The following CFAP70 variants were observed in gnomAD, a reference collection of about 807,000 sequenced individuals.
CFAP70 encodes cilia and flagella associated protein 70.
Under a neutral mutation model 137.6 loss-of-function variants are expected in CFAP70, and 81 were observed. The ratio of observed to expected loss-of-function variants is 0.59; its 90% CI spans 0.49 to 0.71. The LOEUF (loss-of-function observed/expected upper bound fraction) is 0.71. Ranked by LOEUF, CFAP70 falls within the 30% of genes least tolerant of loss-of-function variation. The pLI, the probability that CFAP70 is intolerant of heterozygous loss-of-function variation, is 0.00. For missense variants in CFAP70, 976 were observed against 1,226.7 expected, an observed-to-expected ratio of 0.80 and a Z score of 3.05; for synonymous variants, 382 against 423.6, an observed-to-expected ratio of 0.90 and a Z score of 1.20.
At chr10:73,316,481 G>GATATATATATATATAT (rs1253458738) in intron 9 of CFAP70, among the ~76,000 whole-genome samples, 5 of 106,546 alleles carry the variant, frequency 4.7e-5, no homozygotes, top group African/African-American at 1.8e-4. Context: ...TATATATATA[G>GATATATATATATATAT]ATATAGATAT....
chr10:73,338,675 C>T (rs186141650), intron 6 of CFAP70, among the ~76,000 whole-genome samples: 7 of 152,144 alleles, frequency 4.6e-5, no homozygotes, highest in Admixed American at 2.6e-4. Context: ...GTGATCCACC[C>T]GCCTTGGCCT....
chr10:73,318,922 A>G (rs1049459753), intron 9 of CFAP70, among the ~76,000 whole-genome samples: 3 of 152,244 alleles, frequency 2.0e-5, no homozygotes, highest in East Asian at 1.9e-4. Flanking sequence ...GTTTTTACCA[A>G]TTACGCTTCT....
chr10:73,302,403 A>G (rs544386931), intron 12 of CFAP70, among the ~76,000 whole-genome samples: 4 of 152,264 alleles, frequency 2.6e-5, no homozygotes, highest in African/African-American at 7.2e-5. Flanking sequence ...GACCCCAAGA[A>G]CACACCACTG....
intron 12 of CFAP70, among the ~76,000 whole-genome samples, chr10:73,309,644 C>T (rs1292332031): frequency 5.6e-5 from 8 of 143,676 alleles, no homozygotes; most frequent in African/African-American, 8.0e-5. Context: ...CTTGTTCATC[C>T]GTATTTCCTA....
At chr10:73,337,060 T>C (rs1333312053) in intron 6 of CFAP70, among the ~76,000 whole-genome samples, 1 of 152,172 alleles carries the variant, frequency 6.6e-6, no homozygotes, top group Non-Finnish European at 1.5e-5. Flanking sequence ...ACAAAGCAAG[T>C]TGCATATAGT....
intron 11 of CFAP70, 44 bp from the exon 13 acceptor site, chr10:73,310,293 T>A (rs750867944): frequency 2.1e-6 from 3 of 1,417,982 alleles, no homozygotes; most frequent in Non-Finnish European, 2.9e-6. Flanking sequence ...AAAAAATATA[T>A]TTATGAAAAA....
chr10:73,285,635 CTTTTTTTT>C (rs769793433), intron 19 of CFAP70, among the ~76,000 whole-genome samples: 43 of 136,916 alleles, frequency 3.1e-4, no homozygotes, highest in African/African-American at 9.7e-4. Context: ...ACTATATTTT[CTTTTTTTT>C]TTTTTTTTTG....
At chr10:73,340,456 C>T (rs776512990) in intron 6 of CFAP70, among the ~76,000 whole-genome samples, 7 of 152,248 alleles carry the variant, frequency 4.6e-5, no homozygotes, top group Non-Finnish European at 1.0e-4. Context: ...GTTCTCACTC[C>T]AGTCCATGGA....
At chr10:73,342,489 T>A (rs889418229) in intron 5 of CFAP70, among the ~76,000 whole-genome samples, 3 of 151,634 alleles carry the variant, frequency 2.0e-5, no homozygotes. Context: ...GTTACTGTAA[T>A]CTATGATTGT....
intron 8 of CFAP70, among the ~76,000 whole-genome samples, chr10:73,328,547 C>G (rs1312065294): frequency 6.8e-6 from 1 of 147,456 alleles, no homozygotes; most frequent in Non-Finnish European, 1.5e-5. Flanking sequence ...TCAGAGTGAA[C>G]AGGCAACCTA....
chr10:73,260,450 A>G (rs2045045012), intron 25 of CFAP70, among the ~76,000 whole-genome samples: 1 of 152,172 alleles, frequency 6.6e-6, no homozygotes, highest in African/African-American at 2.4e-5. Context: ...CATTTAGTGA[A>G]GAATCCATTT....
At chr10:73,278,146 C>T in intron 20 of CFAP70, 33 bp downstream of exon 21, 1 of 1,605,520 alleles carries the variant, frequency 6.2e-7, no homozygotes, top group Non-Finnish European at 8.5e-7. Flanking sequence ...GCTTATGCCC[C>T]TCTTCCAAGT....
intron 7 of CFAP70, 48 bp downstream of exon 8, chr10:73,335,382 C>T: frequency 8.1e-7 from 1 of 1,228,184 alleles, no homozygotes. Context: ...TTTCTTCCCA[C>T]CTACAAGCCT....
intron 12 of CFAP70, among the ~76,000 whole-genome samples, chr10:73,306,455 G>T (rs2049386106): frequency 6.6e-6 from 1 of 152,110 alleles, no homozygotes; most frequent in Non-Finnish European, 1.5e-5. Context: ...AGCAACAGAG[G>T]TGTGACTTGT....
At chr10:73,299,451 C>T (rs1442405786) in intron 13 of CFAP70, 154 bp downstream of exon 14, 3 of 639,932 alleles carry the variant, frequency 4.7e-6, no homozygotes, top group Non-Finnish European at 8.2e-6. Context: ...TGCTATATGC[C>T]ATTGATCACA....
In CFAP70 at chr10:73,341,401, C is replaced by A; in HGVS notation, c.580G>T (p.Glu194Ter). 2.5e-6 allele frequency: 4 copies of A among 1,610,090 alleles called. No homozygotes were observed. The highest frequency in any genetic ancestry group is 3.4e-6 in the Non-Finnish European group (4 of 1,177,466). Residue 194 changes from glutamate (E) to a stop codon, truncating the protein, a stop_gained and splice_region_variant, in exon 6 of 27, where the codon GAG (glutamate) becomes TAG (stop). Coordinates refer to ENST00000310715, the Ensembl canonical transcript of CFAP70. LOFTEE classifies it high-confidence loss of function. The stretch of plus-strand genomic sequence containing the variant: ...AAACCTGTATATCAGGCTCTCACCT[C>A]AGGATGGTTGAGTTCTCCTTCTTCT...
At chr10:73,299,134 CAGAG>C (rs1205879464) in intron 13 of CFAP70, 33 bp from the exon 15 acceptor site, 5 of 1,521,826 alleles carry the variant, frequency 3.3e-6, no homozygotes, top group Admixed American at 1.8e-5. Context: ...GTAGACGCCT[CAGAG>C]AGGTCAAGAG....
chr10:73,321,503 C>A (rs1191451508), intron 9 of CFAP70, among the ~76,000 whole-genome samples: 1 of 152,028 alleles, frequency 6.6e-6, no homozygotes, highest in African/African-American at 2.4e-5. Context: ...AGTTAGTGTA[C>A]AACTAGATGA....
chr10:73,348,039 G>T, intron 4 of CFAP70, 117 bp downstream of exon 5: 1 of 846,946 alleles, frequency 1.2e-6, no homozygotes. Flanking sequence ...AACACTAAGT[G>T]TGCTGTGAAA....
Sources: gnomAD v4.1 joint callset for allele counts (sites outside exome capture counted in the v4.1 genomes callset) on GRCh38, gnomAD v4.1.1 for gene constraint, MANE v1.5 for transcripts, NCBI Gene and HGNC (gene_info 2026-07-23, HGNC 2026-07-21) for gene names.